DDHD1: variants seen among roughly 807,000 people sequenced by gnomAD.
DDHD1 encodes the protein DDHD domain containing 1, also known as phospholipase DDHD1.
DDHD1 carries 49 observed loss-of-function variants against 96.4 expected under a neutral mutation model. The ratio of observed to expected loss-of-function variants is 0.51; its 90% confidence interval spans 0.40 to 0.64. DDHD1 has a LOEUF of 0.64. DDHD1 is among the 30% of genes least tolerant of loss of function. DDHD1 has a pLI of 0.00. For missense variants in DDHD1, 1,106 were observed against 1,161.2 expected (o/e 0.95, Z 0.69); for synonymous variants, 442 against 446.5 (o/e 0.99, Z 0.13).
intron 1 of DDHD1, among the ~76,000 whole-genome samples, chr14:53,124,669 T>A (rs558235326): frequency 1.3e-5 from 2 of 152,222 alleles, no homozygotes; most frequent in Non-Finnish European, 2.9e-5. Context: ...TACCATTTAC[T>A]AATTTTGATT....
intron 1 of DDHD1, among the ~76,000 whole-genome samples, chr14:53,106,943 CT>C (rs1194559765): frequency 6.6e-6 from 1 of 152,150 alleles, no homozygotes; most frequent in Non-Finnish European, 1.5e-5. Context: ...GTTAGGTCTT[CT>C]TTTGCCTGTA....
intron 4 of DDHD1, among the ~76,000 whole-genome samples, chr14:53,075,210 A>C (rs1397902551): frequency 6.6e-6 from 1 of 152,204 alleles, no homozygotes; most frequent in Admixed American, 6.5e-5. Context: ...TCAAAAGCCA[A>C]GCATGCCAAA....
At chr14:53,082,773 A>AG (rs200225435) in intron 4 of DDHD1, among the ~76,000 whole-genome samples, 3,645 of 151,760 alleles carry the variant, frequency 0.024, 73 homozygotes, top group African/African-American at 0.048. Context: ...AAAAAAAAAA[A>AG]AAGACATGGG....
At chr14:53,062,404 GAT>G (rs1437306434) in intron 7 of DDHD1, among the ~76,000 whole-genome samples, 1 of 151,914 alleles carries the variant, frequency 6.6e-6, no homozygotes, top group Admixed American at 6.6e-5. Context: ...TAGAGATGAA[GAT>G]AGGAATGCAG....
chr14:53,152,403 G>T lies in DDHD1; in HGVS notation c.696C>A (p.Asp232Glu). Residue 232 changes from aspartate to glutamate, a missense_variant, in exon 1 of 13, where the codon GAC becomes GAA. This residue lies in a region of DDHD1 where 456 missense variants were observed against 402.4 expected (regional missense o/e 1.13). Coordinates refer to ENST00000673822, the MANE Select transcript of DDHD1 (RefSeq NM_001160148.2). ...TACTCTGGCAGAAGCCGCAGGCGCG[G>T]TCCTCATCGTCATCTTCTCCGGAAC... is the stretch of plus-strand genomic sequence containing the variant. ...ASSSGEDDDE[D>E]RACGFCQSTT... is the part of the protein sequence containing the mutation. The T allele has an allele frequency of 1.2e-6, 2 of 1,613,898 alleles. No individual in the cohort carries two copies. The highest frequency in any genetic ancestry group is 1.7e-6 in the Non-Finnish European group (2 of 1,179,968).
In DDHD1 at chr14:53,054,429, T is replaced by G. The variant is rs754826324; in HGVS notation, c.2437+9A>C. On this transcript the variant is annotated intron_variant, in intron 11 of 12. Coordinates refer to ENST00000673822, the MANE Select transcript of DDHD1 (RefSeq NM_001160148.2). ...AGTATCAACTTAAGGAAATAATGTA[T>G]GAACTAACATGCAGAATCGAGGAAG... The G allele has an allele frequency of 6.8e-6, 11 of 1,611,406 alleles. No individual in the cohort carries two copies. The East Asian group carries it at 2.5e-4, about 36-fold the overall frequency.
intron 6 of DDHD1, 85 bp downstream of exon 6, chr14:53,072,511 TA>T (rs548513646): frequency 6.5e-5 from 45 of 691,878 alleles, no homozygotes; most frequent in African/African-American, 1.8e-4. Flanking sequence ...CTCATTTGCT[TA>T]AAAAAAACAT....
In DDHD1 at chr14:53,092,025, AT is replaced by A. The variant is rs1280294573; in HGVS notation, c.1142-94del. 9 of 1,312,602 alleles carry A rather than the reference AT, an allele frequency of 6.9e-6. No individual in the cohort carries two copies. In the African/African-American group the frequency reaches 1.2e-4, roughly 17 times the overall value. The allele number at this position is 1,312,602 out of a possible 1,614,324, so 81.3% of individuals were successfully genotyped here. On this transcript the variant is annotated intron_variant, in intron 3 of 12. Transcript: ENST00000673822. The stretch of plus-strand genomic sequence containing the variant: ...AAGAAAAAAAAGAAGTAAAAGGAAT[AT>A]TATGAAAAAATTTCACTGGCTGTGG...
intron 4 of DDHD1, among the ~76,000 whole-genome samples, chr14:53,087,968 C>T (rs533750473): frequency 1.3e-5 from 2 of 151,998 alleles, no homozygotes; most frequent in South Asian, 2.1e-4. Flanking sequence ...CAATAAAAAA[C>T]GATAAAAAGA....
At chr14:53,058,446 G>C (rs769842821) in intron 9 of DDHD1, 31 bp downstream of exon 9, 2 of 1,576,350 alleles carry the variant, frequency 1.3e-6, no homozygotes, top group South Asian at 2.4e-5. Context: ...ATTTGACATT[G>C]AGAAAAAAAA....
At chr14:53,075,627 A>G (rs1468086970) in intron 4 of DDHD1, among the ~76,000 whole-genome samples, 2 of 152,166 alleles carry the variant, frequency 1.3e-5, no homozygotes, top group African/African-American at 2.4e-5. Context: ...TTGCTACACT[A>G]AACAACATAT....
Position 53,046,908 on chromosome 14 carries a change from G to A in DDHD1, c.2563C>T (p.Leu855Phe). The A allele has an allele frequency of 6.2e-7, 1 of 1,611,882 alleles. No individual in the cohort carries two copies. The highest frequency in any genetic ancestry group is 1.1e-5 in the South Asian group (1 of 90,666). ...HRIDFELREG[L>F]VESRYWSAVT... ...GCTGACCAATAGCGGCTCTCCACAA[G>A]GCCTTCTCTGAGTTCAAAATCAATC... is the stretch of plus-strand genomic sequence containing the variant. Residue 855 changes from leucine to phenylalanine, a missense_variant, in exon 13 of 13, where the codon CTT becomes TTT. This residue lies in a region of DDHD1 where 650 missense variants were observed against 758.8 expected (regional missense o/e 0.86). Coordinates refer to ENST00000673822, the MANE Select transcript of DDHD1 (RefSeq NM_001160148.2).
intron 4 of DDHD1, among the ~76,000 whole-genome samples, chr14:53,080,360 A>C (rs1443698828): frequency 1.3e-5 from 2 of 152,108 alleles, no homozygotes; most frequent in Non-Finnish European, 2.9e-5. Flanking sequence ...AACTCTCTCC[A>C]AAAAACAAAA....
chr14:53,060,339 A>G (rs1220718319), intron 8 of DDHD1, among the ~76,000 whole-genome samples: 2 of 152,230 alleles, frequency 1.3e-5, no homozygotes, highest in African/African-American at 4.8e-5. Flanking sequence ...TCAACAGGTC[A>G]TTCTAATACT....
At chr14:53,050,456 A>C (rs1173232590) in intron 12 of DDHD1, among the ~76,000 whole-genome samples, 4 of 152,082 alleles carry the variant, frequency 2.6e-5, no homozygotes, top group Non-Finnish European at 4.4e-5. Flanking sequence ...TGAATGATTG[A>C]GACCTTTCTC....
At position 53,152,771 on chromosome 14, in the gene DDHD1, C is replaced by CGCCGCCGCCGCT; in HGVS notation, c.327_328insAGCGGCGGCGGC (p.Gly109_Gly110insSerGlyGlyGly). On this transcript the variant is annotated inframe_insertion, in exon 1 of 13. Coordinates refer to ENST00000673822, the MANE Select transcript of DDHD1 (RefSeq NM_001160148.2). ...TGCAGCGACAAGGAGCTGCCGCCGC[C>CGCCGCCGCCGCT]GCCGCTCTCACCCTCGCTGTAGTAG... The CGCCGCCGCCGCT allele has an allele frequency of 3.1e-6, 5 of 1,603,456 alleles. No individual in the cohort carries two copies. Among genetic ancestry groups the CGCCGCCGCCGCT allele is most frequent in the Non-Finnish European group, 3.4e-6 (4 of 1,176,158 alleles).
intron 1 of DDHD1, among the ~76,000 whole-genome samples, chr14:53,134,582 G>A (rs1285726923): frequency 2.1e-5 from 3 of 140,540 alleles, no homozygotes; most frequent in Non-Finnish European, 3.0e-5. Flanking sequence ...CCGAGGCCTC[G>A]ACCTTACTCA....
chr14:53,129,432 G>A (rs147777647), intron 1 of DDHD1, among the ~76,000 whole-genome samples: 1,601 of 152,258 alleles, frequency 0.011, 32 homozygotes, highest in African/African-American at 0.035. Flanking sequence ...GAGGAGACGC[G>A]TTTTATCCGT....
intron 4 of DDHD1, among the ~76,000 whole-genome samples, chr14:53,088,474 G>T (rs1336940738): frequency 1.3e-5 from 2 of 152,148 alleles, no homozygotes; most frequent in Non-Finnish European, 2.9e-5. Context: ...TATCCACCAA[G>T]ATCAAGTTGG....
Sources: allele counts gnomAD v4.1 joint callset (sites outside exome capture counted in the v4.1 genomes callset), GRCh38; gene constraint gnomAD v4.1.1; regional missense constraint gnomAD v4.1.1; transcripts MANE v1.5; gene names NCBI Gene and HGNC (gene_info 2026-07-23, HGNC 2026-07-21).